The following XXYLT1 variants were observed in gnomAD, a reference collection of about 807,000 sequenced individuals.
XXYLT1 encodes the protein xyloside xylosyltransferase 1.
In XXYLT1, 20 loss-of-function variants were observed where a neutral mutation model predicts 28.9. The observed-to-expected ratio is 0.69, with a 90% CI of 0.49 to 1.00. The LOEUF is 1.00. Among genes scored for constraint, XXYLT1 ranks in the 50% least tolerant of loss-of-function variants. XXYLT1 has a pLI of 0.00. For synonymous variants in XXYLT1, 257 were observed against 253.8 expected (o/e 1.01, Z -0.12); for missense variants, 542 against 560.1 (o/e 0.97, Z 0.33).
At chr3:195,172,481 T>A (rs531919418) in intron 2 of XXYLT1, among the ~76,000 whole-genome samples, 1 of 152,252 alleles carries the variant, frequency 6.6e-6, no homozygotes, top group East Asian at 1.9e-4. Context: ...CACTGCAAAG[T>A]TCTAAGACAT....
At chr3:195,082,155 G>A (rs58646838) in intron 3 of XXYLT1, among the ~76,000 whole-genome samples, 3 of 152,310 alleles carry the variant, frequency 2.0e-5, no homozygotes, top group African/African-American at 4.8e-5. Context: ...GGGGCATCTG[G>A]GTGGTTTCCA....
intron 1 of XXYLT1, among the ~76,000 whole-genome samples, chr3:195,242,741 A>G (rs1180478162): frequency 1.3e-5 from 2 of 152,148 alleles, no homozygotes; most frequent in Admixed American, 6.5e-5. Flanking sequence ...CTCCCACCTT[A>G]GCCCTTTTAA....
intron 1 of XXYLT1, among the ~76,000 whole-genome samples, chr3:195,236,740 G>A (rs898940626): frequency 1.3e-5 from 2 of 152,120 alleles, no homozygotes; most frequent in Non-Finnish European, 2.9e-5. Flanking sequence ...TCTCACCCAA[G>A]GCCCATGGTA....
At position 195,077,045 on chromosome 3, in the gene XXYLT1, A is replaced by C. The variant is rs1408943578; in HGVS notation, c.786-6934T>G. Among the ~76,000 whole-genome samples the C allele has an allele frequency of 1.3e-5, 2 of 152,150 alleles. No homozygotes were observed. The highest frequency in any genetic ancestry group is 4.8e-5 in the African/African-American group (2 of 41,426). On this transcript the variant is annotated intron_variant, in intron 3 of 3. Coordinates refer to ENST00000310380, the MANE Select transcript of XXYLT1 (RefSeq NM_152531.5). The surrounding 1 kb of genome is among the most constrained non-coding windows in gnomAD (Gnocchi z 4.8). ...GAGAAAAACACCACAGCTCACTGGT[A>C]CCTTGTTCTCACTGTCCAGGGACTC...
chr3:195,087,017 G>A (rs534547598), intron 3 of XXYLT1, among the ~76,000 whole-genome samples: 1 of 152,248 alleles, frequency 6.6e-6, no homozygotes, highest in South Asian at 2.1e-4. Flanking sequence ...GCTCCAGGTC[G>A]CCTTGGTGGC....
chr3:195,136,265 C>T (rs1719193239), intron 3 of XXYLT1, among the ~76,000 whole-genome samples: 1 of 152,126 alleles, frequency 6.6e-6, no homozygotes, highest in South Asian at 2.1e-4. Context: ...ACCCTCAGTG[C>T]TCCTATAGGT....
At chr3:195,140,415 T>G (rs1216109685) in intron 3 of XXYLT1, among the ~76,000 whole-genome samples, 6 of 152,220 alleles carry the variant, frequency 3.9e-5, no homozygotes, top group Non-Finnish European at 2.9e-5. Flanking sequence ...ACAGCATGTA[T>G]GGCCCCCACC....
At chr3:195,260,334 A>G (rs1725648412) in intron 1 of XXYLT1, among the ~76,000 whole-genome samples, 1 of 151,858 alleles carries the variant, frequency 6.6e-6, no homozygotes, top group African/African-American at 2.4e-5. Flanking sequence ...TCCTCTCCAG[A>G]CGGGGGGCCC....
chr3:195,191,541 T>G (rs1307881775), intron 2 of XXYLT1, among the ~76,000 whole-genome samples: 1 of 152,232 alleles, frequency 6.6e-6, no homozygotes, highest in Admixed American at 6.5e-5. Flanking sequence ...GTATTTAACT[T>G]TGGGGGAAGT....
rs1487014893 is a variant in XXYLT1, at chr3:195,133,420, C to G, written c.785+23029G>C. 6.6e-6 allele frequency among the ~76,000 whole-genome samples: 1 copy of G among 152,082 alleles called. No individual in the cohort carries two copies. The highest frequency in any genetic ancestry group is 1.5e-5 in the Non-Finnish European group (1 of 68,022). Reference sequence around the variant, plus strand: ...AAACACTGGAGAATTCAATAGGTGTCCAAGAGTTTCTGGAAGTTCTACAGG... The same window carrying G: ...AAACACTGGAGAATTCAATAGGTGTGCAAGAGTTTCTGGAAGTTCTACAGG... On this transcript the variant is annotated intron_variant, in intron 3 of 3. Transcript: ENST00000310380. The surrounding 1 kb of genome is among the most constrained non-coding windows in gnomAD (Gnocchi z 4.4).
chr3:195,270,918 G>A lies in XXYLT1; in HGVS notation c.141C>T (p.Thr47=). ...AFYYLGSGRE[T]FSSATKRLKE... ...TCAGCCTCTTGGTGGCGCTGGAGAA[G>A]GTCTCCCGGCCTGAGCCGAGGTAGT... Residue 47 remains threonine (T), a synonymous_variant, in exon 1 of 4, where the codon ACC becomes ACT. Coordinates refer to ENST00000310380, the MANE Select transcript of XXYLT1 (RefSeq NM_152531.5). 6.7e-7 allele frequency: 1 copy of A among 1,483,580 alleles called. No individual in the cohort carries two copies. The highest frequency in any genetic ancestry group is 8.9e-7 in the Non-Finnish European group (1 of 1,119,092). 91.9% of individuals were successfully genotyped at this position (1,483,580 alleles called of 1,614,324 possible). A position where few individuals can be genotyped will look rare whatever the true frequency, so the allele number is the denominator to read the frequency against.
chr3:195,268,617 TAAC>T, intron 1 of XXYLT1, among the ~76,000 whole-genome samples: 1 of 148,578 alleles, frequency 6.7e-6, no homozygotes, highest in Non-Finnish European at 1.5e-5. Context: ...AAAAAAGAAG[TAAC>T]GGGAGCAATT....
intron 3 of XXYLT1, among the ~76,000 whole-genome samples, chr3:195,070,693 C>G (rs959660018): frequency 6.6e-6 from 1 of 152,176 alleles, no homozygotes; most frequent in East Asian, 1.9e-4. Context: ...CAGCTGAACC[C>G]TGACTGGAAC....
At position 195,270,357 on chromosome 3, in the gene XXYLT1, G is replaced by C. The variant is rs1725978700; in HGVS notation, c.504+198C>G. On this transcript the variant is annotated intron_variant, in intron 1 of 3. Coordinates refer to ENST00000310380, the MANE Select transcript of XXYLT1 (RefSeq NM_152531.5). ...ATTAAAAACGCAGCTCCACTCCTCAGCACCAGCTGAGGGCGTCTGGCTCCC... is the reference window on the plus strand; with the variant it reads ...ATTAAAAACGCAGCTCCACTCCTCACCACCAGCTGAGGGCGTCTGGCTCCC... 4.5e-6 allele frequency: 4 copies of C among 889,930 alleles called. No individual in the cohort carries two copies. In the African/African-American group the frequency reaches 5.4e-5, roughly 12 times the overall value. The allele number at this position is 889,930 out of a possible 1,614,324, so 55.1% of individuals were successfully genotyped here. A position where few individuals can be genotyped will look rare whatever the true frequency, so the allele number is the denominator to read the frequency against.
intron 3 of XXYLT1, among the ~76,000 whole-genome samples, chr3:195,088,323 C>A (rs1347267836): frequency 6.7e-6 from 1 of 149,184 alleles, no homozygotes; most frequent in Non-Finnish European, 1.5e-5. Context: ...TCTCCCAGCA[C>A]GCAGCTGGAG....
At chr3:195,148,748 C>A (rs1370056544) in intron 3 of XXYLT1, among the ~76,000 whole-genome samples, 2 of 152,296 alleles carry the variant, frequency 1.3e-5, no homozygotes, top group East Asian at 3.9e-4. Context: ...ATTTTCTTCC[C>A]TTGTACCAAC....
In XXYLT1 at chr3:195,212,599, G is replaced by T. The variant is rs569433356; in HGVS notation, c.652+14110C>A. On this transcript the variant is annotated intron_variant, in intron 2 of 3. Transcript: ENST00000310380. ...ACCACCTGGGCTCCACCTCCTGTCA[G>T]ATCAGCAGCATCAGATTCTCAAAGA... Among the ~76,000 whole-genome samples the T allele has an allele frequency of 1.7e-4, 26 of 152,308 alleles. 1 individual carries two copies. The highest frequency in any genetic ancestry group is 1.7e-3 in the Admixed American group (26 of 15,306).
chr3:195,115,470 T>C lies in XXYLT1; in HGVS notation c.785+40979A>G, dbSNP rs147652559. Among the ~76,000 whole-genome samples, 14 of 152,232 alleles carry C rather than the reference T, an allele frequency of 9.2e-5. No individual in the cohort carries two copies. The highest frequency in any genetic ancestry group is 2.1e-4 in the South Asian group (1 of 4,822). On this transcript the variant is annotated intron_variant, in intron 3 of 3. Transcript: ENST00000310380. This position sits in a 1 kb window ranked among gnomAD's most constrained non-coding sequence, Gnocchi z 4.2. The stretch of plus-strand genomic sequence containing the variant: ...TGCCCCTTGAGCCCCTCCAACAATG[T>C]TGTAAGCACCTAATTCCAACAAGAA...
At chr3:195,262,360 T>C (rs1725722099) in intron 1 of XXYLT1, among the ~76,000 whole-genome samples, 1 of 152,210 alleles carries the variant, frequency 6.6e-6, no homozygotes, top group African/African-American at 2.4e-5. Context: ...TGCTAATGGA[T>C]ACAGGGTTTC....
Sources: allele counts gnomAD v4.1 joint callset (sites outside exome capture counted in the v4.1 genomes callset), GRCh38; gene constraint gnomAD v4.1.1; non-coding constraint Gnocchi (gnomAD v3.1); transcripts MANE v1.5; gene names NCBI Gene and HGNC (gene_info 2026-07-23, HGNC 2026-07-21).